The following ATXN1 variants were observed in gnomAD, a reference collection of about 807,000 sequenced individuals.
The protein encoded by ATXN1 is ataxin-1.
Under a neutral mutation model 56.4 loss-of-function variants are expected in ATXN1, and 8 were observed. That is an observed-to-expected ratio of 0.14 (90% confidence interval 0.08 to 0.26). The LOEUF is 0.26. ATXN1 is among the 10% of genes least tolerant of loss of function. The pLI, the probability that ATXN1 is intolerant of heterozygous loss-of-function variation, is 1.00. For missense variants in ATXN1, 987 were observed against 1,106.5 expected, an observed-to-expected ratio of 0.89 and a Z score of 1.53; for synonymous variants, 514 against 494.6, an observed-to-expected ratio of 1.04 and a Z score of -0.52.
chr6:16,592,284 T>C (rs1463605472), intron 3 of ATXN1, among the ~76,000 whole-genome samples: 1 of 152,196 alleles, frequency 6.6e-6, no homozygotes, highest in Non-Finnish European at 1.5e-5. Context: ...TCCACTTCCA[T>C]TGTCATTCTT....
intron 3 of ATXN1, among the ~76,000 whole-genome samples, chr6:16,656,780 C>T (rs1301579173): frequency 1.3e-5 from 2 of 152,106 alleles, no homozygotes; most frequent in Admixed American, 1.3e-4. Flanking sequence ...TGCAACATCA[C>T]AGAGTACTTT....
At chr6:16,564,084 G>T (rs1259875093) in intron 4 of ATXN1, among the ~76,000 whole-genome samples, 3 of 152,190 alleles carry the variant, frequency 2.0e-5, no homozygotes, top group Non-Finnish European at 4.4e-5. Flanking sequence ...TCAGCTGAAT[G>T]ACCTCCAGGC....
intron 5 of ATXN1, among the ~76,000 whole-genome samples, chr6:16,514,080 T>C (rs764035530): frequency 1.3e-5 from 2 of 151,982 alleles, no homozygotes; most frequent in Non-Finnish European, 2.9e-5. Context: ...CTCATTAGAC[T>C]CTCTTCTACC....
intron 2 of ATXN1, among the ~76,000 whole-genome samples, chr6:16,735,001 GTATTT>G (rs746610120): frequency 1.3e-5 from 2 of 152,010 alleles, no homozygotes; most frequent in South Asian, 2.1e-4. Flanking sequence ...CTATTTTACT[GTATTT>G]TATTTTATAT....
chr6:16,565,427 C>T (rs1289171702), intron 4 of ATXN1, among the ~76,000 whole-genome samples: 5 of 151,990 alleles, frequency 3.3e-5, no homozygotes, highest in African/African-American at 9.7e-5. Context: ...CAAAATATTG[C>T]CTAAAAAGTA....
At chr6:16,351,025 G>A (rs1761554455) in intron 6 of ATXN1, among the ~76,000 whole-genome samples, 2 of 152,144 alleles carry the variant, frequency 1.3e-5, no homozygotes, top group South Asian at 4.1e-4. Flanking sequence ...GGAGATCAAA[G>A]CTGCATTGAG....
intron 5 of ATXN1, among the ~76,000 whole-genome samples, chr6:16,500,485 G>A (rs1265967914): frequency 1.3e-5 from 2 of 152,120 alleles, no homozygotes; most frequent in African/African-American, 2.4e-5. Context: ...ATAACAACTC[G>A]CTGAAGAGAA....
At chr6:16,366,941 G>T (rs536384270) in intron 6 of ATXN1, among the ~76,000 whole-genome samples, 2 of 152,220 alleles carry the variant, frequency 1.3e-5, no homozygotes, top group African/African-American at 4.8e-5. Flanking sequence ...TTACAAATGT[G>T]CAATTTCCTT....
In ATXN1 at chr6:16,585,814, T is replaced by C. The variant is rs192129320; in HGVS notation, c.-395A>G. ...GTGCTTTCATCACAATGGAGAACCA[T>C]AAGCTATCAGTTCCTTGCAGCAGAT... On this transcript the variant is annotated 5_prime_UTR_variant, in exon 4 of 8. It removes an upstream start codon present in the reference 5' UTR. Transcript: ENST00000436367. 5.9e-5 allele frequency: 9 copies of C among 152,340 alleles called. No individual in the cohort carries two copies. Among genetic ancestry groups the C allele is most frequent in the Admixed American group, 5.9e-4 (9 of 15,300 alleles). The allele number at this position is 152,340 out of a possible 1,614,324, so 9.4% of individuals were successfully genotyped here. A position where few individuals can be genotyped will look rare whatever the true frequency, so the allele number is the denominator to read the frequency against.
At position 16,622,070 on chromosome 6, in the gene ATXN1, T is replaced by C. The variant is rs562993175; in HGVS notation, c.-489+35706A>G. ...ATTATGATCAGTGAGCTTCTAGGTG[T>C]GACAGGCCCAGTTTTAAACACTGGA... On this transcript the variant is annotated intron_variant, in intron 3 of 7. Coordinates refer to ENST00000436367, the MANE Select transcript of ATXN1 (RefSeq NM_001128164.2). Among the ~76,000 whole-genome samples the C allele has an allele frequency of 2.1e-3, 316 of 152,336 alleles. 1 individual carries two copies. Among genetic ancestry groups the C allele is most frequent in the Middle Eastern group, 6.8e-3 (2 of 294 alleles).
rs527554648 is a variant in ATXN1 at position 16,456,049 on chromosome 6, G to C, written c.-161+29923C>G. ...AAGGGAATAAAAGCGGGCCACCCCA[G>C]CCAGCAGTGGCAACCCATTTGGGTC... is the stretch of plus-strand genomic sequence containing the variant. On this transcript the variant is annotated intron_variant, in intron 6 of 7. Transcript: ENST00000436367. 3.9e-5 allele frequency among the ~76,000 whole-genome samples: 6 copies of C among 152,326 alleles called. No individual in the cohort carries two copies. In the East Asian group the frequency reaches 7.7e-4, roughly 20 times the overall value.
At chr6:16,643,299 T>TA (rs1763740895) in intron 3 of ATXN1, among the ~76,000 whole-genome samples, 1 of 148,732 alleles carries the variant, frequency 6.7e-6, no homozygotes, top group Non-Finnish European at 1.5e-5. Flanking sequence ...TGCCTGTGTC[T>TA]AAAAAATTCT....
chr6:16,367,651 G>A (rs749863186), intron 6 of ATXN1, among the ~76,000 whole-genome samples: 8 of 152,070 alleles, frequency 5.3e-5, no homozygotes, highest in Non-Finnish European at 1.5e-5. Context: ...AGAAACCTTG[G>A]TTTTGAGGTA....
At chr6:16,452,037 A>G (rs1173208582) in intron 6 of ATXN1, among the ~76,000 whole-genome samples, 1 of 152,152 alleles carries the variant, frequency 6.6e-6, no homozygotes, top group Non-Finnish European at 1.5e-5. Flanking sequence ...GGCCGTTCTT[A>G]GATTGCCTTT....
intron 7 of ATXN1, among the ~76,000 whole-genome samples, chr6:16,312,487 A>G (rs2113382961): frequency 6.6e-6 from 1 of 152,220 alleles, no homozygotes; most frequent in East Asian, 1.9e-4. Flanking sequence ...AACAACAATC[A>G]TGTACTTTTA....
chr6:16,598,074 T>C, intron 3 of ATXN1, among the ~76,000 whole-genome samples: 1 of 152,248 alleles, frequency 6.6e-6, no homozygotes, highest in East Asian at 1.9e-4. Context: ...CTTGTTATAA[T>C]GTATGCATTA....
rs770953877 is a variant in ATXN1, at chr6:16,300,770, G to A, written c.*5559C>T. On this transcript the variant is annotated 3_prime_UTR_variant, in exon 8 of 8. Transcript: ENST00000436367. ...CAAGATTATATTCTTTGGGTTTATAGGAACAGGAAGTGCTGAAAATGTCAA... is the reference window on the plus strand; with the variant it reads ...CAAGATTATATTCTTTGGGTTTATAAGAACAGGAAGTGCTGAAAATGTCAA... 1 of 152,460 alleles carries A rather than the reference G, an allele frequency of 6.6e-6. No individual in the cohort carries two copies. Among genetic ancestry groups the A allele is most frequent in the Non-Finnish European group, 1.5e-5 (1 of 68,018 alleles). The allele number at this position is 152,460 out of a possible 1,614,324, so 9.4% of individuals were successfully genotyped here.
intron 7 of ATXN1, among the ~76,000 whole-genome samples, chr6:16,325,814 G>A (rs1760789948): frequency 6.6e-6 from 1 of 152,150 alleles, no homozygotes; most frequent in Non-Finnish European, 1.5e-5. Context: ...CTTGAGTGCA[G>A]TGATAGTCAC....
intron 5 of ATXN1, among the ~76,000 whole-genome samples, chr6:16,500,224 G>A (rs763998532): frequency 2.6e-5 from 4 of 152,132 alleles, no homozygotes; most frequent in East Asian, 1.9e-4. Context: ...CTCAACAACC[G>A]TGTGAAAGTA....
Sources: allele counts gnomAD v4.1 joint callset (sites outside exome capture counted in the v4.1 genomes callset), GRCh38; gene constraint gnomAD v4.1.1; transcripts MANE v1.5; gene names NCBI Gene and HGNC (gene_info 2026-07-23, HGNC 2026-07-21).